SYBU: variants seen among roughly 807,000 people sequenced by gnomAD.
The protein encoded by SYBU is syntabulin.
SYBU carries 21 observed loss-of-function variants against 35.9 expected under a neutral mutation model. The observed-to-expected ratio is 0.58, with a 90% CI of 0.41 to 0.84. The LOEUF is 0.84. Ranked by LOEUF, SYBU falls within the 40% of genes least tolerant of loss-of-function variation. SYBU has a pLI of 0.00. For synonymous variants in SYBU, 319 were observed against 324.3 expected, an observed-to-expected ratio of 0.98 and a Z score of 0.18; for missense variants, 768 against 848.2, an observed-to-expected ratio of 0.91 and a Z score of 1.17.
chr8:109,629,845 T>C (rs988213511), intron 2 of SYBU, among the ~76,000 whole-genome samples: 6 of 152,178 alleles, frequency 3.9e-5, no homozygotes, highest in African/African-American at 1.4e-4. Context: ...TTCTAACTGG[T>C]GTGAGATGGT....
intron 3 of SYBU, among the ~76,000 whole-genome samples, chr8:109,617,091 G>A (rs568748151): frequency 5.3e-5 from 8 of 151,878 alleles, no homozygotes; most frequent in Non-Finnish European, 8.8e-5. Flanking sequence ...AGCCAAGATC[G>A]CACCACTGCA....
intron 4 of SYBU, among the ~76,000 whole-genome samples, chr8:109,583,991 T>C (rs994005193): frequency 1.0e-4 from 15 of 150,652 alleles, no homozygotes; most frequent in Admixed American, 2.6e-4. Flanking sequence ...TTTTTTTTTG[T>C]ATTTTTAGTA....
chr8:109,612,681 A>AT (rs1392797743), intron 3 of SYBU, among the ~76,000 whole-genome samples: 2 of 152,130 alleles, frequency 1.3e-5, no homozygotes, highest in Non-Finnish European at 2.9e-5. Context: ...GGCCTAAAAC[A>AT]CTTAAAAGGC....
intron 1 of SYBU, among the ~76,000 whole-genome samples, chr8:109,655,823 A>G (rs1439311715): frequency 6.6e-6 from 1 of 152,182 alleles, no homozygotes; most frequent in African/African-American, 2.4e-5. Context: ...TCAAATTTAC[A>G]TATGATCTAG....
In SYBU at chr8:109,674,752, C is replaced by T. The variant is rs765592816; in HGVS notation, c.-129+5959G>A. On this transcript the variant is annotated intron_variant, in intron 1 of 5. Transcript: ENST00000408889. Reference sequence around the variant, plus strand: ...AGATCAACAAGACACAAAATTAACACGGATATTCAGGACTTGAACTCAGCT... The same window carrying T: ...AGATCAACAAGACACAAAATTAACATGGATATTCAGGACTTGAACTCAGCT... Among the ~76,000 whole-genome samples the T allele has an allele frequency of 7.9e-5, 12 of 152,086 alleles. 1 individual carries two copies. Among genetic ancestry groups the T allele is most frequent in the African/African-American group, 1.9e-4 (8 of 41,426 alleles).
upstream of SYBU, among the ~76,000 whole-genome samples, chr8:109,649,150 G>A (rs1212708051): frequency 2.6e-5 from 4 of 151,074 alleles, no homozygotes; most frequent in Admixed American, 6.6e-5. Context: ...CTACAGGCGC[G>A]CACCACCACA....
At chr8:109,644,246 C>T (rs191391051) in intron 1 of SYBU, 3 of 489,402 alleles carry the variant, frequency 6.1e-6, no homozygotes, top group Admixed American at 2.3e-5. Flanking sequence ...GCCACTCCGC[C>T]GGGCACACCG....
intron 3 of SYBU, among the ~76,000 whole-genome samples, chr8:109,600,966 A>C (rs1024360991): frequency 2.6e-5 from 4 of 152,134 alleles, no homozygotes; most frequent in Non-Finnish European, 4.4e-5. Context: ...CTCTAGGGAA[A>C]TCTCTAGTAA....
chr8:109,644,607 C>A, intron 1 of SYBU, 29 bp downstream of exon 1: 1 of 1,544,532 alleles, frequency 6.5e-7, no homozygotes. Flanking sequence ...CCCCGCCCTC[C>A]AGTGCCCGCA....
chr8:109,629,421 G>A (rs567728821), intron 2 of SYBU, among the ~76,000 whole-genome samples: 1 of 152,150 alleles, frequency 6.6e-6, no homozygotes, highest in Non-Finnish European at 1.5e-5. Context: ...TTGTCATCCT[G>A]ATTGGCAGGG....
intron 2 of SYBU, among the ~76,000 whole-genome samples, chr8:109,641,982 C>T (rs572307408): frequency 1.3e-5 from 2 of 152,298 alleles, no homozygotes; most frequent in South Asian, 4.1e-4. Context: ...ATAAATCATT[C>T]CACTATAAAG....
At chr8:109,589,074 T>C (rs1025489401) in intron 3 of SYBU, among the ~76,000 whole-genome samples, 1 of 152,124 alleles carries the variant, frequency 6.6e-6, no homozygotes, top group Non-Finnish European at 1.5e-5. Context: ...GCAGGAGAAT[T>C]GCTTGAACCA....
At chr8:109,624,477 CGAATGAAATAATTGATTT>C (rs1812766188) in intron 2 of SYBU, among the ~76,000 whole-genome samples, 1 of 152,130 alleles carries the variant, frequency 6.6e-6, no homozygotes, top group African/African-American at 2.4e-5. Context: ...TTTGCAACCT[CGAATGAAATAATTGATTT>C]AGGCAGCAAA....
At position 109,691,498 on chromosome 8, in the gene SYBU, C is replaced by T; in HGVS notation, c.-223G>A. 2.0e-6 allele frequency: 1 copy of T among 512,456 alleles called. No homozygotes were observed. The highest frequency in any genetic ancestry group is 3.5e-5 in the East Asian group (1 of 28,280). The allele number at this position is 512,456 out of a possible 1,614,324, so 31.7% of individuals were successfully genotyped here. On this transcript the variant is annotated 5_prime_UTR_variant, in exon 1 of 8. Coordinates refer to the SYBU transcript ENST00000422135. This position sits in a 1 kb window ranked among gnomAD's most constrained non-coding sequence, Gnocchi z 4.7. Reference sequence around the variant, plus strand: ...GCCGGGCCCGGCCCGCTCCGCCCGCCTTAGCCCGGCTTGGACACGTGGTGC... The same window carrying T: ...GCCGGGCCCGGCCCGCTCCGCCCGCTTTAGCCCGGCTTGGACACGTGGTGC...
intron 1 of SYBU, among the ~76,000 whole-genome samples, chr8:109,650,279 C>T (rs774698956): frequency 6.6e-6 from 1 of 152,176 alleles, no homozygotes; most frequent in Non-Finnish European, 1.5e-5. Flanking sequence ...ATATGTTCTC[C>T]ATAATGCACT....
In SYBU at chr8:109,574,645, G is replaced by A. The variant is rs146764112; in HGVS notation, c.*261C>T. ...CTTCCTGAACCACTAGGATAAGAAC[G>A]GGTACCTCAGACGACACGGCAGGGT... On this transcript the variant is annotated 3_prime_UTR_variant, in exon 7 of 7. Transcript: ENST00000276646. 9.3e-4 allele frequency: 334 copies of A among 359,158 alleles called. No homozygotes were observed. The highest frequency in any genetic ancestry group is 6.4e-3 in the African/African-American group (310 of 48,090). The allele number at this position is 359,158 out of a possible 1,614,324, so 22.2% of individuals were successfully genotyped here.
At chr8:109,631,036 A>G (rs1439693545) in intron 2 of SYBU, among the ~76,000 whole-genome samples, 1 of 152,194 alleles carries the variant, frequency 6.6e-6, no homozygotes, top group Non-Finnish European at 1.5e-5. Flanking sequence ...AGGAAAATGA[A>G]GGCAGACAAG....
chr8:109,642,991 C>T (rs1815099740), intron 1 of SYBU, 59 bp from the exon 2 acceptor site: 1 of 1,457,894 alleles, frequency 6.9e-7, no homozygotes, highest in African/African-American at 1.4e-5. Context: ...CTCTTAACTC[C>T]TGTCGGTTCC....
intron 1 of SYBU, among the ~76,000 whole-genome samples, chr8:109,663,553 C>T (rs1327219276): frequency 6.6e-6 from 1 of 152,060 alleles, no homozygotes; most frequent in African/African-American, 2.4e-5. Context: ...AAAAATAAAT[C>T]ATAGTTAACA....
Sources: allele counts gnomAD v4.1 joint callset (sites outside exome capture counted in the v4.1 genomes callset), GRCh38; gene constraint gnomAD v4.1.1; non-coding constraint Gnocchi (gnomAD v3.1); transcripts MANE v1.5; gene names NCBI Gene and HGNC (gene_info 2026-07-23, HGNC 2026-07-21).